The following UNC13C variants were observed in gnomAD, a reference collection of about 807,000 sequenced individuals.
UNC13C encodes protein unc-13 homolog C.
Under a neutral mutation model 245.4 loss-of-function variants are expected in UNC13C, and 174 were observed. That is an observed-to-expected ratio of 0.71 (90% CI 0.63 to 0.80). The LOEUF (loss-of-function observed/expected upper bound fraction) is 0.80. Ranked by LOEUF, UNC13C falls within the 30% of genes least tolerant of loss-of-function variation. The probability of loss-of-function intolerance (pLI) is 0.00; values close to 1 mark genes in which losing one functional copy is unlikely to be tolerated. For missense variants in UNC13C, 2,829 were observed against 2,602.9 expected (o/e 1.09, Z -1.89); for synonymous variants, 992 against 895.1 (o/e 1.11, Z -1.93).
the UNC13C span, among the ~76,000 whole-genome samples, chr15:53,907,657 G>T: frequency 6.6e-6 from 1 of 152,088 alleles, no homozygotes; most frequent in Non-Finnish European, 1.5e-5. Context: ...CTGAGATGAT[G>T]CATATGAAAG....
chr15:54,496,829 T>TG (rs931797824), intron 20 of UNC13C, among the ~76,000 whole-genome samples: 4 of 146,068 alleles, frequency 2.7e-5, no homozygotes, highest in East Asian at 4.2e-4. Context: ...AAAGGGAAGT[T>TG]GGGGGGGAAG....
intron 24 of UNC13C, among the ~76,000 whole-genome samples, chr15:54,524,968 C>CTGAAGAAA (rs1208899135): frequency 3.9e-5 from 6 of 152,104 alleles, no homozygotes; most frequent in African/African-American, 1.4e-4. Context: ...TGTAAATTAG[C>CTGAAGAAA]AACCAGGAAG....
At position 54,365,096 on chromosome 15, in the gene UNC13C, C is replaced by G. The variant is rs1018860796; in HGVS notation, c.4713+26607C>G. Among the ~76,000 whole-genome samples the G allele has an allele frequency of 3.3e-5, 5 of 152,114 alleles. No homozygotes were observed. In the East Asian group the frequency reaches 7.7e-4, roughly 24 times the overall value. On this transcript the variant is annotated intron_variant, in intron 17 of 32. Coordinates refer to ENST00000260323, the MANE Select transcript of UNC13C (RefSeq NM_001080534.3). ...TTTAGAGAGAGAAAGAACTCCCCGT[C>G]AGATCTGCAAAGCTGCAAACCCAGC... is the stretch of plus-strand genomic sequence containing the variant.
At chr15:54,219,493 A>T (rs1014010102) in intron 4 of UNC13C, among the ~76,000 whole-genome samples, 7 of 150,892 alleles carry the variant, frequency 4.6e-5, no homozygotes, top group African/African-American at 1.5e-4. Flanking sequence ...AACCATAAAA[A>T]CCCTAGAAGC....
chr15:54,133,364 A>C (rs534153064), intron 2 of UNC13C, among the ~76,000 whole-genome samples: 1 of 152,290 alleles, frequency 6.6e-6, no homozygotes, highest in South Asian at 2.1e-4. Context: ...TTTTGGTTTT[A>C]TAGGTCACCA....
intron 10 of UNC13C, among the ~76,000 whole-genome samples, chr15:54,276,541 T>A (rs931080059): frequency 5.3e-5 from 8 of 152,094 alleles, no homozygotes; most frequent in African/African-American, 1.4e-4. Context: ...AAATACAGTA[T>A]CATGTGCATT....
Position 53,992,218 on chromosome 15 carries a change from A to G in UNC13C, c.-257+13291A>G, listed in dbSNP as rs183538473. ...TCTGTTTAACCTCGTATACCTCTCC[A>G]TTGATGTAGCACTGACTGAATCCAG... On this transcript the variant is annotated intron_variant, in intron 1 of 32. Transcript: ENST00000260323. Among the ~76,000 whole-genome samples, 13 of 152,122 alleles carry G rather than the reference A, an allele frequency of 8.5e-5. No homozygotes were observed. The East Asian group carries it at 2.3e-3, about 27-fold the overall frequency.
the UNC13C span, among the ~76,000 whole-genome samples, chr15:53,923,648 C>T: frequency 3.3e-5 from 5 of 152,154 alleles, no homozygotes; most frequent in African/African-American, 1.2e-4. Flanking sequence ...TTTAGAGCTG[C>T]AGAGAGTAGG....
intron 32 of UNC13C, 58 bp downstream of exon 32, chr15:54,624,012 C>G: frequency 1.3e-6 from 2 of 1,597,028 alleles, no homozygotes; most frequent in Non-Finnish European, 8.6e-7. Context: ...TACAGCTGAC[C>G]TTACTGAGGG....
chr15:54,538,885 G>A (rs748204736), intron 26 of UNC13C, among the ~76,000 whole-genome samples: 3 of 151,808 alleles, frequency 2.0e-5, no homozygotes, highest in Non-Finnish European at 2.9e-5. Flanking sequence ...CAAAAACTAC[G>A]TATTGGGTAC....
intron 2 of UNC13C, among the ~76,000 whole-genome samples, chr15:54,136,100 TGTAA>T (rs1252051556): frequency 6.6e-6 from 1 of 152,194 alleles, no homozygotes; most frequent in Non-Finnish European, 1.5e-5. Flanking sequence ...TAAATTTATA[TGTAA>T]GTATTTAACA....
intron 18 of UNC13C, among the ~76,000 whole-genome samples, chr15:54,405,860 A>G (rs1360913661): frequency 6.6e-6 from 1 of 152,322 alleles, no homozygotes; most frequent in East Asian, 1.9e-4. Context: ...TTACTAAGTT[A>G]TATTCTGGCT....
the UNC13C span, among the ~76,000 whole-genome samples, chr15:53,964,747 A>G: frequency 6.6e-6 from 1 of 152,194 alleles, no homozygotes; most frequent in Non-Finnish European, 1.5e-5. Flanking sequence ...ACTCCAAGTA[A>G]TGTTTTAAAA....
At chr15:54,009,808 A>G (rs1475415791) in intron 1 of UNC13C, among the ~76,000 whole-genome samples, 2 of 152,086 alleles carry the variant, frequency 1.3e-5, no homozygotes, top group Non-Finnish European at 2.9e-5. Context: ...CCTCCCAAGG[A>G]AGTAACTTTC....
At chr15:54,001,687 T>G (rs996037743) in intron 1 of UNC13C, among the ~76,000 whole-genome samples, 5 of 152,210 alleles carry the variant, frequency 3.3e-5, no homozygotes, top group African/African-American at 1.2e-4. Context: ...ATTTAGTCAT[T>G]ATAGCAATAT....
intron 17 of UNC13C, among the ~76,000 whole-genome samples, chr15:54,361,333 G>A (rs2039226787): frequency 6.6e-6 from 1 of 151,878 alleles, no homozygotes; most frequent in Non-Finnish European, 1.5e-5. Context: ...TACTTGGTGT[G>A]TTTTTACTTG....
intron 19 of UNC13C, among the ~76,000 whole-genome samples, chr15:54,434,418 C>T (rs984406835): frequency 3.3e-5 from 5 of 151,986 alleles, no homozygotes; most frequent in African/African-American, 1.2e-4. Flanking sequence ...ACAGAGACCT[C>T]AGAAATAACA....
At chr15:54,300,131 A>T in intron 12 of UNC13C, 79 bp from the exon 13 acceptor site, 1 of 1,373,210 alleles carries the variant, frequency 7.3e-7, no homozygotes, top group East Asian at 2.5e-5. Context: ...GTGCAAGAGC[A>T]TTTTACTGGA....
intron 17 of UNC13C, among the ~76,000 whole-genome samples, chr15:54,372,140 T>C (rs927242430): frequency 3.9e-5 from 6 of 152,156 alleles, no homozygotes; most frequent in Admixed American, 6.5e-5. Flanking sequence ...GTAATGCATA[T>C]ATTAAAAAGC....
Sources: allele counts gnomAD v4.1 joint callset (sites outside exome capture counted in the v4.1 genomes callset), GRCh38; gene constraint gnomAD v4.1.1; transcripts MANE v1.5; gene names NCBI Gene and HGNC (gene_info 2026-07-23, HGNC 2026-07-21).